The following MRPS35 variants were observed in gnomAD, a reference collection of about 807,000 sequenced individuals.
MRPS35 encodes the protein small ribosomal subunit protein mS35.
Under a neutral mutation model 32.7 loss-of-function variants are expected in MRPS35, and 29 were observed. The ratio of observed to expected loss-of-function variants is 0.89; its 90% CI spans 0.66 to 1.21. MRPS35 has a LOEUF of 1.21. MRPS35 is among the 50% of genes most tolerant of loss of function. The probability of loss-of-function intolerance (pLI) is 0.00; values close to 1 mark genes in which losing one functional copy is unlikely to be tolerated. For missense variants in MRPS35, 373 were observed against 383.8 expected (o/e 0.97, Z 0.23); for synonymous variants, 148 against 139.3 (o/e 1.06, Z -0.44).
intron 4 of MRPS35, among the ~76,000 whole-genome samples, chr12:27,721,083 T>C (rs2140757909): frequency 6.6e-6 from 1 of 152,298 alleles, no homozygotes; most frequent in South Asian, 2.1e-4. Flanking sequence ...ACTTCACAAG[T>C]ATCCTGATTA....
intron 5 of MRPS35, among the ~76,000 whole-genome samples, chr12:27,726,012 G>C (rs940340505): frequency 1.3e-5 from 2 of 151,096 alleles, no homozygotes; most frequent in Admixed American, 1.3e-4. Flanking sequence ...GTTTTGCCAT[G>C]ATGCCCAGGC....
intron 6 of MRPS35, among the ~76,000 whole-genome samples, chr12:27,736,109 T>G (rs188137267): frequency 6.6e-6 from 1 of 152,376 alleles, no homozygotes; most frequent in East Asian, 1.9e-4. Flanking sequence ...GGCTATTTTA[T>G]TTTTAGAATT....
chr12:27,735,391 T>C (rs1306792172), intron 5 of MRPS35, 56 bp from the exon 6 acceptor site: 6 of 1,340,336 alleles, frequency 4.5e-6, no homozygotes, highest in Admixed American at 2.2e-5. Flanking sequence ...GCTACCTTTT[T>C]TTCACTAAAC....
At chr12:27,743,820 A>G (rs902792433) in intron 7 of MRPS35, among the ~76,000 whole-genome samples, 2 of 152,126 alleles carry the variant, frequency 1.3e-5, no homozygotes, top group Non-Finnish European at 2.9e-5. Flanking sequence ...CATTAGGGTA[A>G]GGGCCCTCCT....
chr12:27,720,916 T>G (rs932241623), intron 4 of MRPS35, among the ~76,000 whole-genome samples: 6 of 152,150 alleles, frequency 3.9e-5, no homozygotes, highest in African/African-American at 1.2e-4. Context: ...TATTCCAATT[T>G]AAGTTCTGAT....
intron 1 of MRPS35, among the ~76,000 whole-genome samples, chr12:27,712,944 G>A (rs1052729384): frequency 2.6e-5 from 4 of 152,214 alleles, no homozygotes; most frequent in Admixed American, 1.3e-4. Context: ...CCTGAGCCTG[G>A]GAAGTCGATT....
At chr12:27,741,022 G>A (rs992696759) in intron 7 of MRPS35, among the ~76,000 whole-genome samples, 2 of 151,992 alleles carry the variant, frequency 1.3e-5, no homozygotes, top group African/African-American at 4.8e-5. Context: ...CAAAAAATTA[G>A]CCAGGCATGG....
intron 3 of MRPS35, 104 bp downstream of exon 3, chr12:27,716,562 G>A (rs2061852102): frequency 9.6e-7 from 1 of 1,041,240 alleles, no homozygotes; most frequent in African/African-American, 1.6e-5. Context: ...GTGTATAGCA[G>A]CTTAGTGTAT....
At chr12:27,711,196 TCCC>T (rs2061820177) in intron 1 of MRPS35, among the ~76,000 whole-genome samples, 1 of 152,150 alleles carries the variant, frequency 6.6e-6, no homozygotes, top group African/African-American at 2.4e-5. Flanking sequence ...AAAGCTTACA[TCCC>T]CCTTCCCCGT....
In MRPS35 at chr12:27,753,199, C is replaced by A. The variant is rs572616259; in HGVS notation, c.703-1982C>A. ...AGGAATTGTAAGTGCAAATATACCC[C>A]ACTTGGCTCAGGAATTTGGGGGCCA... is the stretch of plus-strand genomic sequence containing the variant. On this transcript the variant is annotated intron_variant, in intron 7 of 7. Transcript: ENST00000081029. Among the ~76,000 whole-genome samples the A allele has an allele frequency of 1.1e-3, 173 of 152,228 alleles. 3 individuals carry two copies. In the South Asian group the frequency reaches 0.034, roughly 30 times the overall value.
chr12:27,752,708 G>A (rs187753117), intron 7 of MRPS35, among the ~76,000 whole-genome samples: 127 of 152,204 alleles, frequency 8.3e-4, no homozygotes, highest in African/African-American at 2.9e-3. Flanking sequence ...ATTAATTTAG[G>A]ACATTTATTT....
intron 7 of MRPS35, among the ~76,000 whole-genome samples, chr12:27,748,444 T>TGTGTGTGC (rs1384634948): frequency 1.3e-5 from 2 of 148,896 alleles, no homozygotes; most frequent in Non-Finnish European, 3.0e-5. Context: ...AAGTGGTGTG[T>TGTGTGTGC]GTGTGTGTGT....
chr12:27,753,541 G>A (rs946158382), intron 7 of MRPS35, among the ~76,000 whole-genome samples: 2 of 152,118 alleles, frequency 1.3e-5, no homozygotes, highest in African/African-American at 4.8e-5. Context: ...CCTTGGAGCT[G>A]TCTACTCAAG....
chr12:27,754,842 A>G (rs1167998032), intron 7 of MRPS35, among the ~76,000 whole-genome samples: 2 of 151,442 alleles, frequency 1.3e-5, no homozygotes, highest in Non-Finnish European at 2.9e-5. Flanking sequence ...TATTTTCTGT[A>G]TCTGCTGGAA....
intron 7 of MRPS35, among the ~76,000 whole-genome samples, chr12:27,742,722 G>A (rs1377264174): frequency 1.3e-5 from 2 of 152,194 alleles, no homozygotes; most frequent in African/African-American, 4.8e-5. Flanking sequence ...GCAAAATGTA[G>A]ATTTGTAACC....
At chr12:27,753,894 A>C (rs1304993545) in intron 7 of MRPS35, among the ~76,000 whole-genome samples, 2 of 152,200 alleles carry the variant, frequency 1.3e-5, no homozygotes, top group Non-Finnish European at 2.9e-5. Flanking sequence ...TAATTTTTGT[A>C]AGAAAAAACG....
chr12:27,749,406 T>C (rs1302182646), intron 7 of MRPS35, among the ~76,000 whole-genome samples: 2 of 152,228 alleles, frequency 1.3e-5, no homozygotes, highest in Non-Finnish European at 2.9e-5. Flanking sequence ...CTTGGAAAGA[T>C]ACTGCTTATT....
intron 3 of MRPS35, among the ~76,000 whole-genome samples, chr12:27,717,622 A>C (rs929409837): frequency 3.9e-5 from 6 of 152,212 alleles, no homozygotes; most frequent in African/African-American, 1.4e-4. Flanking sequence ...GGGTAAATGA[A>C]ATTTGGAAAT....
chr12:27,729,114 A>G (rs917318737), intron 5 of MRPS35, among the ~76,000 whole-genome samples: 1 of 152,094 alleles, frequency 6.6e-6, no homozygotes, highest in Non-Finnish European at 1.5e-5. Context: ...TCCTCGAAGT[A>G]TATCTATCTT....
Sources: allele counts gnomAD v4.1 joint callset (sites outside exome capture counted in the v4.1 genomes callset), GRCh38; gene constraint gnomAD v4.1.1; transcripts MANE v1.5; gene names NCBI Gene and HGNC (gene_info 2026-07-23, HGNC 2026-07-21).